Variants in ACTR3C observed in about 807,000 individuals in gnomAD.
The protein encoded by ACTR3C is actin related protein 3C.
A neutral mutation model predicts 26.3 loss-of-function variants in ACTR3C; 18 were observed. The observed-to-expected ratio is 0.68, with a 90% CI of 0.47 to 1.01. The LOEUF (loss-of-function observed/expected upper bound fraction) is 1.01. Among genes scored for constraint, ACTR3C ranks in the 50% least tolerant of loss-of-function variants. ACTR3C has a pLI of 0.00. For missense variants in ACTR3C, 184 were observed against 250.7 expected (o/e 0.73, Z 1.80); for synonymous variants, 55 against 94.5 (o/e 0.58, Z 2.42).
rs1795543123 is a variant in ACTR3C at position 150,302,986 on chromosome 7, C to A, written c.-51-7639G>T. The A allele has an allele frequency of 2.0e-5, 3 of 152,236 alleles. No individual in the cohort carries two copies. The South Asian group carries it at 6.2e-4, about 31-fold the overall frequency. The allele number at this position is 152,236 out of a possible 1,614,324, so 9.4% of individuals were successfully genotyped here. On this transcript the variant is annotated intron_variant, in intron 1 of 7. Transcript: ENST00000683684. ...TGAAAGCAGCTGAATCTCTCCCTTG[C>A]TACTGTCTTCATGCCTTTGAGTGAC...
chr7:150,289,341 G>A (rs560944451), intron 4 of ACTR3C, 109 bp downstream of exon 4: 437 of 1,429,302 alleles, frequency 3.1e-4, no homozygotes, highest in Non-Finnish European at 2.9e-4. Context: ...CACACTCATG[G>A]GAAGGGGAGA....
At chr7:150,298,812 A>G (rs1290704456) in intron 1 of ACTR3C, among the ~76,000 whole-genome samples, 44 of 150,064 alleles carry the variant, frequency 2.9e-4, no homozygotes, top group African/African-American at 9.8e-4. Flanking sequence ...AAGATCAGAA[A>G]CAACCTAAAT....
chr7:150,256,775 A>T (rs1256049277), intron 6 of ACTR3C, among the ~76,000 whole-genome samples: 5 of 152,236 alleles, frequency 3.3e-5, no homozygotes, highest in Non-Finnish European at 7.3e-5. Flanking sequence ...GTAAAAAAAA[A>T]AATAAACACA....
At chr7:150,253,155 C>G (rs548353911) in intron 6 of ACTR3C, among the ~76,000 whole-genome samples, 1 of 151,748 alleles carries the variant, frequency 6.6e-6, no homozygotes, top group South Asian at 2.1e-4. Context: ...GGTGGCAGAG[C>G]GGGCCCAACA....
chr7:150,215,680 A>G, the ACTR3C span, among the ~76,000 whole-genome samples: 1 of 151,952 alleles, frequency 6.6e-6, no homozygotes, highest in Non-Finnish European at 1.5e-5. Context: ...TAGGAAGCAG[A>G]GACTTTTGAT....
At chr7:150,252,114 G>C (rs1832892340) in intron 6 of ACTR3C, among the ~76,000 whole-genome samples, 1 of 147,712 alleles carries the variant, frequency 6.8e-6, no homozygotes, top group Non-Finnish European at 1.5e-5. Flanking sequence ...GTGTGTGTTT[G>C]TGTATGTGTC....
the ACTR3C span, among the ~76,000 whole-genome samples, chr7:149,905,567 A>T: frequency 6.6e-6 from 1 of 151,176 alleles, no homozygotes; most frequent in Non-Finnish European, 1.5e-5. Context: ...GATAATTTTT[A>T]AAAATGTCAT....
chr7:149,919,592 T>C, the ACTR3C span, among the ~76,000 whole-genome samples: 3 of 151,976 alleles, frequency 2.0e-5, no homozygotes, highest in Non-Finnish European at 4.4e-5. Context: ...TCTGAATGAA[T>C]GACTTATATG....
the ACTR3C span, among the ~76,000 whole-genome samples, chr7:150,047,443 T>C: frequency 6.6e-6 from 1 of 151,990 alleles, no homozygotes; most frequent in African/African-American, 2.4e-5. Flanking sequence ...GGGACGGCGA[T>C]GACCGCGATC....
chr7:150,114,852 G>A, the ACTR3C span, among the ~76,000 whole-genome samples: 10 of 152,120 alleles, frequency 6.6e-5, no homozygotes, highest in African/African-American at 2.4e-4. Context: ...TTACTCAGAT[G>A]CCTAGAAGTC....
chr7:150,243,302 C>G (rs1239110750), downstream of ACTR3C, among the ~76,000 whole-genome samples: 1 of 151,780 alleles, frequency 6.6e-6, no homozygotes, highest in Non-Finnish European at 1.5e-5. Context: ...TTTTTCATTT[C>G]TTGGTGGTAA....
chr7:150,260,634 G>A (rs556182585), intron 6 of ACTR3C, among the ~76,000 whole-genome samples: 157 of 152,300 alleles, frequency 1.0e-3, no homozygotes, highest in African/African-American at 3.6e-3. Flanking sequence ...AACCTAGGAC[G>A]GGGGTTCAGG....
At chr7:150,185,054 A>G in the ACTR3C span, among the ~76,000 whole-genome samples, 2 of 151,752 alleles carry the variant, frequency 1.3e-5, no homozygotes, top group South Asian at 2.1e-4. Flanking sequence ...GGGATTGTCA[A>G]GGACTGATTG....
intron 1 of ACTR3C, among the ~76,000 whole-genome samples, chr7:150,309,319 C>T (rs550098718): frequency 6.6e-6 from 1 of 152,332 alleles, no homozygotes; most frequent in African/African-American, 2.4e-5. Context: ...CAGCCCTAGA[C>T]CCTCGAGGGC....
the ACTR3C span, among the ~76,000 whole-genome samples, chr7:150,070,887 C>G: frequency 1.3e-5 from 2 of 150,144 alleles, no homozygotes; most frequent in African/African-American, 5.0e-5. Flanking sequence ...CTCTGCCTCC[C>G]GGGTTCATGC....
At chr7:150,095,709 G>A in the ACTR3C span, among the ~76,000 whole-genome samples, 1 of 148,378 alleles carries the variant, frequency 6.7e-6, no homozygotes, top group African/African-American at 2.6e-5. Flanking sequence ...GGCATCTTTT[G>A]ACATAACGGA....
the ACTR3C span, among the ~76,000 whole-genome samples, chr7:150,178,780 C>T: frequency 1.3e-5 from 2 of 150,764 alleles, 1 homozygote; most frequent in African/African-American, 5.0e-5. Context: ...AAATGTCAAC[C>T]AATGAATTGT....
At chr7:150,029,854 C>G in the ACTR3C span, among the ~76,000 whole-genome samples, 1 of 151,880 alleles carries the variant, frequency 6.6e-6, no homozygotes, top group Non-Finnish European at 1.5e-5. Flanking sequence ...GATGCTGCTG[C>G]TTCTCTGATA....
the ACTR3C span, among the ~76,000 whole-genome samples, chr7:150,087,126 A>G: frequency 7.0e-6 from 1 of 142,072 alleles, no homozygotes; most frequent in Non-Finnish European, 1.5e-5. Context: ...TGTTTTAACT[A>G]TATTTGGTTG....
Sources: gnomAD v4.1 joint callset for allele counts (sites outside exome capture counted in the v4.1 genomes callset) on GRCh38, gnomAD v4.1.1 for gene constraint, MANE v1.5 for transcripts, NCBI Gene and HGNC (gene_info 2026-07-23, HGNC 2026-07-21) for gene names.